Variants in GRIK2 observed in about 807,000 individuals in gnomAD.
GRIK2 encodes the protein glutamate ionotropic receptor kainate type subunit 2.
GRIK2 carries 32 observed loss-of-function variants against 100.3 expected under a neutral mutation model. That is an observed-to-expected ratio of 0.32 (90% CI 0.24 to 0.43). GRIK2 has a LOEUF of 0.43. Ranked by LOEUF, GRIK2 falls within the 20% of genes least tolerant of loss-of-function variation. The pLI is 1.00. For missense variants in GRIK2, 843 were observed against 1,114.9 expected (o/e 0.76, Z 3.47); for synonymous variants, 417 against 389.4 (o/e 1.07, Z -0.83).
At chr6:101,792,478 G>A (rs989433286) in intron 7 of GRIK2, among the ~76,000 whole-genome samples, 3 of 151,440 alleles carry the variant, frequency 2.0e-5, no homozygotes, top group African/African-American at 7.3e-5. Flanking sequence ...GCTTAGTTTG[G>A]CTGGATATGA....
intron 2 of GRIK2, among the ~76,000 whole-genome samples, chr6:101,442,054 TA>T (rs1770098377): frequency 1.3e-5 from 2 of 151,894 alleles, no homozygotes; most frequent in South Asian, 4.2e-4. Context: ...GAGGTAATTT[TA>T]AAAAGAGAAG....
At chr6:101,812,548 A>C (rs1781398175) in intron 9 of GRIK2, among the ~76,000 whole-genome samples, 1 of 152,004 alleles carries the variant, frequency 6.6e-6, no homozygotes. Context: ...TATAACCAGT[A>C]TGTTCAGAGA....
At chr6:101,476,454 G>A (rs1349079832) in intron 2 of GRIK2, among the ~76,000 whole-genome samples, 1 of 152,138 alleles carries the variant, frequency 6.6e-6, no homozygotes, top group Non-Finnish European at 1.5e-5. Flanking sequence ...AGCTAGCTGA[G>A]AACAAGTTGA....
At chr6:101,645,901 AT>A (rs1216280829) in intron 4 of GRIK2, among the ~76,000 whole-genome samples, 1 of 151,918 alleles carries the variant, frequency 6.6e-6, no homozygotes, top group Non-Finnish European at 1.5e-5. Flanking sequence ...AATAATAAAA[AT>A]TTATCTTTAT....
At chr6:101,397,537 C>A (rs1775059785) in intron 1 of GRIK2, among the ~76,000 whole-genome samples, 1 of 152,102 alleles carries the variant, frequency 6.6e-6, no homozygotes, top group South Asian at 2.1e-4. Context: ...TTATTGCCTC[C>A]ATCTTAAAAA....
rs1170295303 is a variant in GRIK2, at chr6:101,908,879, T to C, written c.1749-15722T>C. On this transcript the variant is annotated intron_variant, in intron 12 of 16. Transcript: ENST00000369134. The stretch of plus-strand genomic sequence containing the variant: ...AATTCTTTTGGAATGAAAAGGTGTT[T>C]TTATGCCCCTCCCTTGTTTTATACA... Among the ~76,000 whole-genome samples the C allele has an allele frequency of 2.0e-5, 3 of 151,280 alleles. No homozygotes were observed. In the East Asian group the frequency reaches 5.8e-4, roughly 29 times the overall value.
intron 7 of GRIK2, among the ~76,000 whole-genome samples, chr6:101,790,690 C>A (rs1022781009): frequency 8.7e-5 from 13 of 149,384 alleles, no homozygotes; most frequent in East Asian, 2.0e-4. Flanking sequence ...TGTCTCTGCC[C>A]GGCTTTGGTA....
At chr6:101,595,292 AC>A (rs1778865326) in intron 2 of GRIK2, among the ~76,000 whole-genome samples, 1 of 151,640 alleles carries the variant, frequency 6.6e-6, no homozygotes, top group Non-Finnish European at 1.5e-5. Flanking sequence ...TCTGTGAAGG[AC>A]CAGGTAGTTA....
chr6:101,836,455 A>G lies in GRIK2; in HGVS notation c.1317+17972A>G, dbSNP rs1490689537. On this transcript the variant is annotated intron_variant, in intron 10 of 16. Coordinates refer to ENST00000369134, the MANE Select transcript of GRIK2 (RefSeq NM_021956.5). Reference sequence around the variant, plus strand: ...TAAAAACGTAAAATATCTTAAATTTATATTGATTACATGTTGAAATGATAG... The same window carrying G: ...TAAAAACGTAAAATATCTTAAATTTGTATTGATTACATGTTGAAATGATAG... Among the ~76,000 whole-genome samples the G allele has an allele frequency of 5.5e-5, 8 of 146,224 alleles. No homozygotes were observed. In the East Asian group the frequency reaches 1.7e-3, roughly 32 times the overall value.
At chr6:101,867,379 A>AGT (rs1785116712) in intron 11 of GRIK2, among the ~76,000 whole-genome samples, 2 of 151,838 alleles carry the variant, frequency 1.3e-5, no homozygotes, top group African/African-American at 2.4e-5. Flanking sequence ...AAGGGCTAAT[A>AGT]TATTTTTAAA....
chr6:101,692,702 A>G (rs772283603), intron 7 of GRIK2, among the ~76,000 whole-genome samples: 2 of 152,176 alleles, frequency 1.3e-5, no homozygotes, highest in East Asian at 3.9e-4. Flanking sequence ...AGAATTTAAC[A>G]TAACTTCTTA....
intron 4 of GRIK2, among the ~76,000 whole-genome samples, chr6:101,650,866 C>T (rs941141976): frequency 2.0e-5 from 3 of 152,048 alleles, no homozygotes; most frequent in Non-Finnish European, 4.4e-5. Context: ...CCATTCCCCA[C>T]CCCCTAGCAC....
At chr6:101,935,600 G>A (rs1790566631) in intron 14 of GRIK2, among the ~76,000 whole-genome samples, 1 of 151,806 alleles carries the variant, frequency 6.6e-6, no homozygotes, top group Non-Finnish European at 1.5e-5. Flanking sequence ...TGATATTAAG[G>A]ACATGGTATT....
chr6:101,395,658 T>C (rs368329446), intron 1 of GRIK2, among the ~76,000 whole-genome samples: 2 of 152,320 alleles, frequency 1.3e-5, no homozygotes, highest in South Asian at 4.1e-4. Flanking sequence ...TATAAAAATA[T>C]AGTGAAAGAT....
intron 14 of GRIK2, among the ~76,000 whole-genome samples, chr6:102,006,384 ATATATATTT>A (rs1213549770): frequency 2.7e-5 from 3 of 111,722 alleles, no homozygotes; most frequent in African/African-American, 1.7e-4. Context: ...ATATATATAT[ATATATATTT>A]TTTTTTTTTT....
intron 14 of GRIK2, among the ~76,000 whole-genome samples, chr6:101,929,192 A>G (rs980672298): frequency 6.6e-6 from 1 of 152,146 alleles, no homozygotes; most frequent in African/African-American, 2.4e-5. Context: ...GCCCTGTGGA[A>G]CATTTAAATG....
intron 10 of GRIK2, among the ~76,000 whole-genome samples, chr6:101,839,344 G>A (rs2128433369): frequency 6.6e-6 from 1 of 152,244 alleles, no homozygotes; most frequent in South Asian, 2.1e-4. Flanking sequence ...AGATAGTGGG[G>A]AAAAGTATAT....
chr6:101,580,986 C>T (rs1778054259), intron 2 of GRIK2, among the ~76,000 whole-genome samples: 1 of 151,804 alleles, frequency 6.6e-6, no homozygotes, highest in Non-Finnish European at 1.5e-5. Flanking sequence ...CAATAATTAC[C>T]CTCTCTCATC....
chr6:101,944,018 A>T (rs774387577), intron 14 of GRIK2, among the ~76,000 whole-genome samples: 1 of 152,054 alleles, frequency 6.6e-6, no homozygotes, highest in Non-Finnish European at 1.5e-5. Flanking sequence ...GCAGGAGGTG[A>T]TTGGCTCATG....
Sources: allele counts gnomAD v4.1 joint callset (sites outside exome capture counted in the v4.1 genomes callset), GRCh38; gene constraint gnomAD v4.1.1; transcripts MANE v1.5; gene names NCBI Gene and HGNC (gene_info 2026-07-23, HGNC 2026-07-21).